FAM53B: variants seen among roughly 807,000 people sequenced by gnomAD.
The protein encoded by FAM53B is family with sequence similarity 53 member B.
FAM53B carries 12 observed loss-of-function variants against 32.7 expected under a neutral mutation model. The ratio of observed to expected loss-of-function variants is 0.37; its 90% CI spans 0.24 to 0.59. The LOEUF (loss-of-function observed/expected upper bound fraction) is 0.59. Among genes scored for constraint, FAM53B ranks in the 20% least tolerant of loss-of-function variants. The pLI is 0.72. For missense variants in FAM53B, 477 were observed against 577.7 expected, an observed-to-expected ratio of 0.83 and a Z score of 1.79; for synonymous variants, 234 against 228.7, an observed-to-expected ratio of 1.02 and a Z score of -0.21.
At chr10:124,658,381 C>T in intron 4 of FAM53B, among the ~76,000 whole-genome samples, 1 of 152,226 alleles carries the variant, frequency 6.6e-6, no homozygotes, top group East Asian at 1.9e-4. Context: ...GGGGGACCCT[C>T]CTGCCCATTG....
chr10:124,627,462 G>C (rs1949362889), intron 4 of FAM53B, among the ~76,000 whole-genome samples: 2 of 152,242 alleles, frequency 1.3e-5, no homozygotes, highest in African/African-American at 2.4e-5. Context: ...ATTATTCCAA[G>C]GTGAAAGTGC....
intron 3 of FAM53B, among the ~76,000 whole-genome samples, chr10:124,690,071 G>A (rs923327065): frequency 6.6e-6 from 1 of 152,260 alleles, no homozygotes; most frequent in Non-Finnish European, 1.5e-5. Context: ...AGTGAAACGG[G>A]CAGCTGCTGG....
chr10:124,703,954 G>A (rs569973568), intron 2 of FAM53B: 2 of 152,572 alleles, frequency 1.3e-5, no homozygotes, highest in South Asian at 2.1e-4. Context: ...AGGGGCTCAG[G>A]CCACACCTCT....
chr10:124,666,704 G>A (rs750960100), intron 4 of FAM53B, among the ~76,000 whole-genome samples: 13 of 152,204 alleles, frequency 8.5e-5, no homozygotes, highest in Non-Finnish European at 1.5e-4. Flanking sequence ...GGGCTGCACG[G>A]GTACAGTAGA....
intron 1 of FAM53B, among the ~76,000 whole-genome samples, chr10:124,741,845 G>C (rs536018641): frequency 1.3e-5 from 2 of 152,342 alleles, no homozygotes; most frequent in East Asian, 1.9e-4. Flanking sequence ...ACGTTGAAAA[G>C]AGAAGAGGGA....
chr10:124,689,468 C>T (rs1055259706), intron 3 of FAM53B, among the ~76,000 whole-genome samples: 11 of 152,194 alleles, frequency 7.2e-5, no homozygotes, highest in African/African-American at 1.4e-4. Flanking sequence ...GTCCTGCCCA[C>T]GCACCTGGGA....
chr10:124,654,737 G>A (rs1490533091), intron 4 of FAM53B, among the ~76,000 whole-genome samples: 2 of 152,152 alleles, frequency 1.3e-5, no homozygotes, highest in African/African-American at 4.8e-5. Context: ...TAGGGCTGTA[G>A]GTGTTTGGCC....
rs929957441 is a variant in FAM53B, at chr10:124,623,097, G to A, written c.*145C>T. The A allele has an allele frequency of 9.2e-7, 1 of 1,091,606 alleles. No homozygotes were observed. The highest frequency in any genetic ancestry group is 1.6e-5 in the African/African-American group (1 of 62,808). The allele number at this position is 1,091,606 out of a possible 1,614,324, so 67.6% of individuals were successfully genotyped here. On this transcript the variant is annotated 3_prime_UTR_variant, in exon 5 of 5. Transcript: ENST00000337318. ...GGCCAGGCTCTCCCCCAGGCAGCAG[G>A]TGGGCTCCCTCTCTGGGACCCGACA...
At chr10:124,625,830 G>C (rs2134034741) in intron 4 of FAM53B, among the ~76,000 whole-genome samples, 1 of 152,364 alleles carries the variant, frequency 6.6e-6, no homozygotes, top group South Asian at 2.1e-4. Flanking sequence ...TGCTGAGCCA[G>C]GCTGCCCCGA....
intron 1 of FAM53B, among the ~76,000 whole-genome samples, chr10:124,724,092 T>C (rs1950087259): frequency 6.6e-6 from 1 of 152,178 alleles, no homozygotes; most frequent in Non-Finnish European, 1.5e-5. Flanking sequence ...CAAGGCATAG[T>C]GTGTCATACG....
intron 1 of FAM53B, among the ~76,000 whole-genome samples, chr10:124,715,383 C>T (rs1950033009): frequency 6.6e-6 from 1 of 152,186 alleles, no homozygotes. Flanking sequence ...GAAGTGTCTT[C>T]CAGGAAGCTC....
intron 4 of FAM53B, among the ~76,000 whole-genome samples, chr10:124,630,864 C>T (rs1028572443): frequency 1.3e-5 from 2 of 152,234 alleles, no homozygotes; most frequent in Admixed American, 6.5e-5. Flanking sequence ...ACTGTGGTCA[C>T]CCCGTTCCAG....
At chr10:124,628,244 G>A (rs551418641) in intron 4 of FAM53B, among the ~76,000 whole-genome samples, 1 of 152,196 alleles carries the variant, frequency 6.6e-6, no homozygotes, top group East Asian at 1.9e-4. Flanking sequence ...TTTGTCTAGG[G>A]ACTGCTGTCC....
At chr10:124,734,840 C>T (rs560830152) in intron 1 of FAM53B, among the ~76,000 whole-genome samples, 1 of 152,222 alleles carries the variant, frequency 6.6e-6, no homozygotes, top group South Asian at 2.1e-4. Context: ...GCTCACCAGA[C>T]CCAGGGAATA....
At chr10:124,681,139 G>A (rs1387827667) in intron 4 of FAM53B, among the ~76,000 whole-genome samples, 2 of 152,160 alleles carry the variant, frequency 1.3e-5, no homozygotes, top group Admixed American at 1.3e-4. Context: ...ATAATCAAAG[G>A]AATAAGTCCC....
chr10:124,662,924 C>A (rs560623858), intron 4 of FAM53B, among the ~76,000 whole-genome samples: 219 of 152,332 alleles, frequency 1.4e-3, no homozygotes, highest in African/African-American at 5.0e-3. Flanking sequence ...CCAGCTGTCA[C>A]CACTGCTTGG....
At chr10:124,738,011 C>T (rs1314906485) in intron 1 of FAM53B, among the ~76,000 whole-genome samples, 1 of 152,106 alleles carries the variant, frequency 6.6e-6, no homozygotes, top group African/African-American at 2.4e-5. Context: ...TGAATCTTGG[C>T]CCAGCAGAAA....
chr10:124,720,697 T>G (rs1950063813), intron 1 of FAM53B, among the ~76,000 whole-genome samples: 1 of 152,198 alleles, frequency 6.6e-6, no homozygotes, highest in Non-Finnish European at 1.5e-5. Flanking sequence ...AAACCCTTAC[T>G]GAGTGACTAC....
At chr10:124,681,241 ATC>A (rs2134068226) in intron 4 of FAM53B, among the ~76,000 whole-genome samples, 1 of 152,214 alleles carries the variant, frequency 6.6e-6, no homozygotes, top group South Asian at 2.1e-4. Context: ...GTGTGTGTAT[ATC>A]TCTTGCAGCA....
Sources: gnomAD v4.1 joint callset for allele counts (sites outside exome capture counted in the v4.1 genomes callset) on GRCh38, gnomAD v4.1.1 for gene constraint, MANE v1.5 for transcripts, NCBI Gene and HGNC (gene_info 2026-07-23, HGNC 2026-07-21) for gene names.